RAD54B: variants seen among roughly 807,000 people sequenced by gnomAD.
The protein encoded by RAD54B is RAD54 homolog B, also known as DNA repair and recombination protein RAD54B.
Under a neutral mutation model 95.8 loss-of-function variants are expected in RAD54B, and 78 were observed. The observed-to-expected ratio is 0.81, with a 90% CI of 0.68 to 0.98. The LOEUF is 0.98. Among genes scored for constraint, RAD54B ranks in the 50% least tolerant of loss-of-function variants. The probability of loss-of-function intolerance (pLI) is 0.00; values close to 1 mark genes in which losing one functional copy is unlikely to be tolerated. For missense variants in RAD54B, 957 were observed against 1,056.6 expected (o/e 0.91, Z 1.31); for synonymous variants, 328 against 354.9 (o/e 0.92, Z 0.85).
chr8:94,390,680 C>T (rs1342030216), intron 10 of RAD54B, among the ~76,000 whole-genome samples: 1 of 150,212 alleles, frequency 6.7e-6, no homozygotes, highest in African/African-American at 2.4e-5. Flanking sequence ...GTACTTATTC[C>T]AGAGTTTTGT....
chr8:94,407,517 C>G lies in RAD54B; in HGVS notation c.703G>C (p.Val235Leu). ...TTTTCCTTTGAACTTGGTTTACAAA[C>G]ACTTTTGAAAGGGTTAGAGAAACAT... is the stretch of plus-strand genomic sequence containing the variant. The part of the protein sequence containing the change: ...RKCFSNPFKS[V>L]CKPSSKENRQ... Residue 235 changes from valine (V) to leucine (L), a missense_variant, in exon 5 of 15, where the codon GTT (valine) becomes CTT (leucine). Transcript: ENST00000336148. The G allele has an allele frequency of 1.2e-6, 2 of 1,613,930 alleles. No individual in the cohort carries two copies. Among genetic ancestry groups the G allele is most frequent in the Non-Finnish European group, 1.7e-6 (2 of 1,179,904 alleles).
chr8:94,461,885 T>A (rs1455114642), intron 2 of RAD54B, among the ~76,000 whole-genome samples: 2 of 152,212 alleles, frequency 1.3e-5, no homozygotes, highest in East Asian at 1.9e-4. Context: ...AATACCAGTA[T>A]CTAATCCACA....
rs1176460241 is a variant in RAD54B at position 94,458,274 on chromosome 8, G to A, written c.298C>T (p.His100Tyr). The A allele has an allele frequency of 1.2e-6, 2 of 1,602,116 alleles. No individual in the cohort carries two copies. The highest frequency in any genetic ancestry group is 2.7e-5 in the African/African-American group (2 of 74,454). The change falls in exon 3 of 15, where the codon CAT becomes TAT. Residue 100 changes from histidine (H) to tyrosine (Y), a missense_variant. His to Tyr is a moderately conservative substitution (Grantham distance 83, BLOSUM62 2). Transcript: ENST00000336148. ...CAATAAAAAGCAGTCTTACCTGTAT[G>A]AGGTGGATCTAATGTTGCCAGTGTA... ...APTLATLDPP[H>Y]TVHSAPKEVA...
intron 3 of RAD54B, chr8:94,431,592 G>C: frequency 1.1e-6 from 1 of 915,834 alleles, no homozygotes; most frequent in South Asian, 5.0e-5. Context: ...GTTCTCCCTG[G>C]ACCTGTTTCA....
chr8:94,467,670 G>C, intron 1 of RAD54B, 115 bp from the exon 2 acceptor site: 1 of 1,036,590 alleles, frequency 9.6e-7, no homozygotes, highest in Non-Finnish European at 1.4e-6. Flanking sequence ...TTATGGGCCT[G>C]CCTGGCCCCC....
At chr8:94,425,065 A>AAAAAAG (rs1811910839) in intron 3 of RAD54B, among the ~76,000 whole-genome samples, 1 of 141,032 alleles carries the variant, frequency 7.1e-6, no homozygotes, top group African/African-American at 2.5e-5. Flanking sequence ...CCATCTCAAA[A>AAAAAAG]AAAAAAAAAA....
intron 6 of RAD54B, among the ~76,000 whole-genome samples, chr8:94,400,701 T>C (rs527522691): frequency 1.5e-4 from 23 of 152,300 alleles, no homozygotes; most frequent in African/African-American, 5.5e-4. Flanking sequence ...TCTGCTACTA[T>C]TACATGTACA....
intron 3 of RAD54B, 141 bp from the exon 4 acceptor site, chr8:94,411,456 T>C: frequency 3.1e-6 from 2 of 638,028 alleles, no homozygotes; most frequent in Non-Finnish European, 5.0e-6. Context: ...CATACTCATG[T>C]TAGCATTTTA....
chr8:94,409,674 C>T (rs1004982816), intron 4 of RAD54B, among the ~76,000 whole-genome samples: 1 of 152,120 alleles, frequency 6.6e-6, no homozygotes, highest in Non-Finnish European at 1.5e-5. Context: ...AAAAGCACCT[C>T]AGATGATTCT....
chr8:94,398,552 C>T (rs1036091006), intron 8 of RAD54B, among the ~76,000 whole-genome samples: 1 of 152,018 alleles, frequency 6.6e-6, no homozygotes, highest in Non-Finnish European at 1.5e-5. Context: ...GAAAAAATGA[C>T]GATGACACAG....
At chr8:94,432,466 C>T (rs752003649) in intron 3 of RAD54B, 2 of 1,550,456 alleles carry the variant, frequency 1.3e-6, no homozygotes, top group Non-Finnish European at 8.7e-7. Flanking sequence ...AAGGATCTTT[C>T]CATAACATGT....
intron 2 of RAD54B, among the ~76,000 whole-genome samples, chr8:94,462,139 T>A (rs1486623206): frequency 6.6e-6 from 1 of 152,154 alleles, no homozygotes; most frequent in Non-Finnish European, 1.5e-5. Context: ...AGTTTCAGAT[T>A]GTGAATTTGG....
chr8:94,390,074 T>A (rs1431404024), intron 10 of RAD54B, among the ~76,000 whole-genome samples: 1 of 152,122 alleles, frequency 6.6e-6, no homozygotes, highest in Non-Finnish European at 1.5e-5. Context: ...GCGCAGTGGC[T>A]CACACCTGTA....
At chr8:94,408,860 G>T (rs551836260) in intron 4 of RAD54B, among the ~76,000 whole-genome samples, 9 of 152,128 alleles carry the variant, frequency 5.9e-5, no homozygotes, top group Admixed American at 5.9e-4. Context: ...TTAACTTTGA[G>T]GTACCTTTAA....
chr8:94,382,220 A>AT (rs1261540915), intron 11 of RAD54B, among the ~76,000 whole-genome samples: 4 of 152,176 alleles, frequency 2.6e-5, no homozygotes, highest in Non-Finnish European at 1.5e-5. Flanking sequence ...GAGGACTCAT[A>AT]TTAAGGTATA....
At chr8:94,374,266 A>G (rs948923657) in intron 14 of RAD54B, among the ~76,000 whole-genome samples, 2 of 151,366 alleles carry the variant, frequency 1.3e-5, no homozygotes, top group South Asian at 2.1e-4. Context: ...GTGACAGAGC[A>G]AGACTCCGTC....
intron 1 of RAD54B, among the ~76,000 whole-genome samples, chr8:94,473,864 T>C (rs764741817): frequency 2.6e-5 from 4 of 152,220 alleles, no homozygotes; most frequent in Non-Finnish European, 5.9e-5. Flanking sequence ...GCTATATAGA[T>C]GGTTCCTAAT....
intron 13 of RAD54B, 67 bp from the exon 14 acceptor site, chr8:94,378,447 G>A (rs1266635646): frequency 3.4e-6 from 5 of 1,480,678 alleles, no homozygotes; most frequent in African/African-American, 1.4e-5. Context: ...TGGGTATAAT[G>A]TTTAGTAACA....
chr8:94,396,308 C>T (rs1423674704), intron 8 of RAD54B, among the ~76,000 whole-genome samples: 1 of 150,640 alleles, frequency 6.6e-6, no homozygotes, highest in Non-Finnish European at 1.5e-5. Context: ...CTTACTAAGA[C>T]TATTTTCAAG....
Sources: allele counts gnomAD v4.1 joint callset (sites outside exome capture counted in the v4.1 genomes callset), GRCh38; gene constraint gnomAD v4.1.1; transcripts MANE v1.5; gene names NCBI Gene and HGNC (gene_info 2026-07-23, HGNC 2026-07-21).